Variants in GTF2IRD1 observed in about 807,000 individuals in gnomAD.
The protein encoded by GTF2IRD1 is general transcription factor II-I repeat domain-containing protein 1.
In GTF2IRD1, 26 loss-of-function variants were observed where a neutral mutation model predicts 113.2. That is an observed-to-expected ratio of 0.23 (90% CI 0.17 to 0.32). The LOEUF is 0.32. Among genes scored for constraint, GTF2IRD1 ranks in the 10% least tolerant of loss-of-function variants. The pLI is 1.00. For missense variants in GTF2IRD1, 864 were observed against 1,280.8 expected (o/e 0.67, Z 4.97); for synonymous variants, 484 against 529.1 (o/e 0.91, Z 1.17).
At chr7:74,572,686 C>G (rs1800765486) in intron 22 of GTF2IRD1, 8 of 236,400 alleles carry the variant, frequency 3.4e-5, no homozygotes, top group African/African-American at 1.9e-4. Flanking sequence ...CCCACCCCCT[C>G]TCTACCCTTC....
intron 14 of GTF2IRD1, among the ~76,000 whole-genome samples, chr7:74,543,137 C>T (rs587701342): frequency 2.0e-5 from 3 of 151,824 alleles, no homozygotes; most frequent in Non-Finnish European, 4.4e-5. Context: ...ACTCCGTCTC[C>T]ACTAAAAATA....
At chr7:74,544,656 CCCT>C in intron 14 of GTF2IRD1, 96 bp from the exon 15 acceptor site, 1 of 1,233,752 alleles carries the variant, frequency 8.1e-7, no homozygotes, top group South Asian at 1.3e-5. Flanking sequence ...AGTTGGGGCC[CCCT>C]GGCCTGCCAT....
chr7:74,480,424 G>A (rs983599824), intron 1 of GTF2IRD1, among the ~76,000 whole-genome samples: 34 of 152,362 alleles, frequency 2.2e-4, no homozygotes, highest in African/African-American at 6.7e-4. Context: ...CTGGAAGAGA[G>A]CCTTGTCCGA....
intron 1 of GTF2IRD1, among the ~76,000 whole-genome samples, chr7:74,484,923 A>AT (rs1794939231): frequency 6.6e-6 from 1 of 152,142 alleles, no homozygotes. Flanking sequence ...TTACTGTTTT[A>AT]TTAACAACAT....
chr7:74,480,969 G>A (rs1318057197), intron 1 of GTF2IRD1, among the ~76,000 whole-genome samples: 7 of 152,022 alleles, frequency 4.6e-5, no homozygotes, highest in Non-Finnish European at 1.0e-4. Context: ...GCCTCAGATC[G>A]GCTTCCCCCA....
intron 1 of GTF2IRD1, among the ~76,000 whole-genome samples, chr7:74,467,867 T>A (rs1223472474): frequency 6.6e-6 from 1 of 152,086 alleles, no homozygotes; most frequent in African/African-American, 2.4e-5. Context: ...CTAATTTTTG[T>A]ATTTTTAGTA....
chr7:74,518,961 C>T (rs1554345265), intron 5 of GTF2IRD1, among the ~76,000 whole-genome samples: 1 of 152,062 alleles, frequency 6.6e-6, no homozygotes, highest in African/African-American at 2.4e-5. Flanking sequence ...GGTTGTAAAT[C>T]TGGGGTTAAT....
intron 6 of GTF2IRD1, among the ~76,000 whole-genome samples, chr7:74,520,944 A>G (rs1797259638): frequency 6.6e-6 from 1 of 151,322 alleles, no homozygotes; most frequent in Non-Finnish European, 1.5e-5. Context: ...TTATACATGT[A>G]AAACAAGTGT....
chr7:74,521,282 G>A lies in GTF2IRD1; in HGVS notation c.991G>A (p.Val331Ile), dbSNP rs375731564. Residue 331 changes from valine to isoleucine, a missense_variant, in exon 7 of 27, where the codon GTC becomes ATC. Physicochemically the swap from Val to Ile is conservative, Grantham distance 29 (BLOSUM62 3). Coordinates refer to ENST00000424337, the MANE Select transcript of GTF2IRD1 (RefSeq NM_005685.4). ...HASKRILFSIVHDKSEKWDAF... is the reference protein window; with the variant it reads ...HASKRILFSIIHDKSEKWDAF... ...CTCCAAGCGCATTCTCTTCTCCATC[G>A]TCCATGACAAGTCAGGTAGGACAGC... is the stretch of plus-strand genomic sequence containing the variant. The A allele has an allele frequency of 9.9e-6, 16 of 1,608,640 alleles. No homozygotes were observed. Among genetic ancestry groups the A allele is most frequent in the East Asian group, 2.2e-5 (1 of 44,848 alleles).
chr7:74,505,084 A>G (rs10227155), intron 1 of GTF2IRD1, among the ~76,000 whole-genome samples: 11,135 of 151,986 alleles, frequency 0.073, 1,242 homozygotes, highest in African/African-American at 0.25. Context: ...CAGTGTTGCC[A>G]TCATAGCTCA....
chr7:74,466,542 T>C (rs1793721615), intron 1 of GTF2IRD1, among the ~76,000 whole-genome samples: 2 of 152,116 alleles, frequency 1.3e-5, no homozygotes, highest in Admixed American at 1.3e-4. Context: ...CCGTCTCGCT[T>C]CCTGGAACGC....
Position 74,555,547 on chromosome 7 carries a change from T to C in GTF2IRD1, c.2023+53T>C. 8.2e-7 allele frequency: 1 copy of C among 1,212,580 alleles called. No homozygotes were observed. Among genetic ancestry groups the C allele is most frequent in the South Asian group, 1.2e-5 (1 of 81,818 alleles). The allele number at this position is 1,212,580 out of a possible 1,614,324, so 75.1% of individuals were successfully genotyped here. ...TTGTCCCAGCACCAGGACATTGACC[T>C]GGTTTGGGTTTGGAGGGCCAGGCTG... is the stretch of plus-strand genomic sequence containing the variant. On this transcript the variant is annotated intron_variant, in intron 19 of 26. Transcript: ENST00000424337. This position sits in a 1 kb window ranked among gnomAD's most constrained non-coding sequence, Gnocchi z 5.3.
intron 1 of GTF2IRD1, among the ~76,000 whole-genome samples, chr7:74,488,833 AAG>A: frequency 6.6e-6 from 1 of 151,568 alleles, no homozygotes; most frequent in Admixed American, 6.6e-5. Flanking sequence ...AACCTCTACT[AAG>A]AGTGCCTTAA....
intron 1 of GTF2IRD1, among the ~76,000 whole-genome samples, chr7:74,491,919 G>A (rs1339941097): frequency 6.6e-6 from 1 of 152,130 alleles, no homozygotes. Flanking sequence ...TTCCACAATG[G>A]CTGAACTAAT....
intron 1 of GTF2IRD1, among the ~76,000 whole-genome samples, chr7:74,466,124 G>C (rs1318510648): frequency 6.6e-6 from 1 of 152,198 alleles, no homozygotes; most frequent in South Asian, 2.1e-4. Flanking sequence ...AGGTAGAACT[G>C]GTTGGTCCCC....
In GTF2IRD1 at chr7:74,493,984, C is replaced by A. The variant is rs117403091; in HGVS notation, c.-6-14091C>A. Among the ~76,000 whole-genome samples, 670 of 152,266 alleles carry A rather than the reference C, an allele frequency of 4.4e-3. 1 individual carries two copies. Among genetic ancestry groups the A allele is most frequent in the Non-Finnish European group, 5.9e-3 (403 of 68,024 alleles). On this transcript the variant is annotated intron_variant, in intron 1 of 26. Coordinates refer to ENST00000424337, the MANE Select transcript of GTF2IRD1 (RefSeq NM_005685.4). ...TGTCCACTCTCCCAAACAGCTGCCC[C>A]CTCTTGGGGGGTACAGCAGCGTCAG...
chr7:74,470,377 G>T (rs1342306813), intron 1 of GTF2IRD1, among the ~76,000 whole-genome samples: 4 of 151,968 alleles, frequency 2.6e-5, no homozygotes, highest in African/African-American at 9.7e-5. Flanking sequence ...GTTCATTTTC[G>T]TCACTCTGAA....
chr7:74,564,343 G>T (rs1800163203), intron 22 of GTF2IRD1, among the ~76,000 whole-genome samples: 1 of 152,084 alleles, frequency 6.6e-6, no homozygotes, highest in South Asian at 2.1e-4. Context: ...GTGCTTTTTT[G>T]AAGATGAATC....
At chr7:74,561,205 C>T (rs1404167784) in intron 22 of GTF2IRD1, among the ~76,000 whole-genome samples, 3 of 151,792 alleles carry the variant, frequency 2.0e-5, no homozygotes, top group Admixed American at 6.6e-5. Context: ...CAAAATTAGC[C>T]AGGTGTGGTG....
Sources: gnomAD v4.1 joint callset for allele counts (sites outside exome capture counted in the v4.1 genomes callset) on GRCh38, gnomAD v4.1.1 for gene constraint, Gnocchi (gnomAD v3.1) non-coding constraint, MANE v1.5 for transcripts, NCBI Gene and HGNC (gene_info 2026-07-23, HGNC 2026-07-21) for gene names.